Variants in MYMK observed in about 807,000 individuals in gnomAD.
The protein encoded by MYMK is myomaker, myoblast fusion factor.
Under a neutral mutation model 22.4 loss-of-function variants are expected in MYMK, and 16 were observed. That is an observed-to-expected ratio of 0.72 (90% confidence interval 0.48 to 1.09). The LOEUF (loss-of-function observed/expected upper bound fraction) is 1.09. MYMK is among the 50% of genes least tolerant of loss of function. The pLI is 0.00. For missense variants in MYMK, 250 were observed against 295.6 expected (o/e 0.85, Z 1.13); for synonymous variants, 125 against 127.0 (o/e 0.98, Z 0.11).
rs771833074 is a variant in MYMK, at chr9:133,520,208, G to A, written c.216C>T (p.Tyr72=). ...AGACCCACATGCTCAGGGCTGTCCC[G>A]TAGACACTGAAATACTCCAGGATGT... ...RHDILEYFSV[Y]GTALSMWVSL... is the part of the protein sequence containing the mutation. The change falls in exon 2 of 5, where the codon TAC becomes TAT. Residue 72 remains tyrosine (Y), a synonymous_variant. Transcript: ENST00000339996. The A allele has an allele frequency of 9.9e-6, 16 of 1,613,948 alleles. No individual in the cohort carries two copies. Among genetic ancestry groups the A allele is most frequent in the Admixed American group, 5.0e-5 (3 of 60,000 alleles).
At chr9:133,517,590 C>CG (rs1224280327) in intron 3 of MYMK, among the ~76,000 whole-genome samples, 1 of 151,030 alleles carries the variant, frequency 6.6e-6, no homozygotes, top group Admixed American at 6.6e-5. Flanking sequence ...CGCTTCAACC[C>CG]GGGAGGCGGA....
At chr9:133,521,786 T>C (rs1013790780) in intron 1 of MYMK, among the ~76,000 whole-genome samples, 1 of 152,202 alleles carries the variant, frequency 6.6e-6, no homozygotes, top group Non-Finnish European at 1.5e-5. Flanking sequence ...GCTGTTCTCC[T>C]GTTCTCCTGG....
At position 133,515,592 on chromosome 9, in the gene MYMK, C is replaced by T. The variant is rs1844622308; in HGVS notation, c.415G>A (p.Glu139Lys). The change falls in exon 4 of 5, where the codon GAG becomes AAG. Residue 139 changes from glutamate to lysine, a missense_variant. Physicochemically the swap from Glu to Lys is moderately conservative, Grantham distance 56. Coordinates refer to ENST00000339996, the MANE Select transcript of MYMK (RefSeq NM_001080483.3). This position sits in a 1 kb window ranked among gnomAD's most constrained non-coding sequence, Gnocchi z 5.8. The part of the protein sequence containing the change: ...IAAKWLQKMK[E>K]KKGLYPDKSV... Reference sequence around the variant, plus strand: ...TTGTCTGGGTACAGGCCCTTCTTCTCCTTCATCTTCTGTAGCTGTGAGGAC... The same window carrying T: ...TTGTCTGGGTACAGGCCCTTCTTCTTCTTCATCTTCTGTAGCTGTGAGGAC... 1 of 1,612,766 alleles carries T rather than the reference C, an allele frequency of 6.2e-7. No homozygotes were observed. Among genetic ancestry groups the T allele is most frequent in the African/African-American group, 1.3e-5 (1 of 74,912 alleles).
intron 3 of MYMK, among the ~76,000 whole-genome samples, chr9:133,516,048 G>T (rs1247671439): frequency 6.6e-6 from 1 of 152,220 alleles, no homozygotes; most frequent in Non-Finnish European, 1.5e-5. Flanking sequence ...CCTGAGCCAT[G>T]GACAAGCATC....
intron 3 of MYMK, among the ~76,000 whole-genome samples, chr9:133,517,662 G>A (rs530865670): frequency 1.9e-4 from 17 of 88,592 alleles, no homozygotes; most frequent in South Asian, 6.6e-4. Flanking sequence ...GCAAAACTCC[G>A]TCTCAAAAAA....
chr9:133,524,756 A>T lies in MYMK; in HGVS notation c.89T>A (p.Phe30Tyr). ...GAGGTAGACCATGGCCTCCATGTGG[A>T]ACCGCCTCTTGGCCGCGATGCTGAC... ...PTVSIAAKRR[F>Y]HMEAMVYLFT... The change falls in exon 1 of 5, where the codon TTC becomes TAC. Residue 30 changes from phenylalanine (F) to tyrosine (Y), a missense_variant. Physicochemically the swap from Phe to Tyr is conservative, Grantham distance 22. Coordinates refer to ENST00000339996, the MANE Select transcript of MYMK (RefSeq NM_001080483.3). The T allele has an allele frequency of 6.2e-7, 1 of 1,614,170 alleles. No homozygotes were observed. The highest frequency in any genetic ancestry group is 8.5e-7 in the Non-Finnish European group (1 of 1,180,028).
In MYMK at chr9:133,524,954, G is replaced by A. The variant is rs1461902911; in HGVS notation, c.-110C>T. 3.8e-6 allele frequency: 5 copies of A among 1,316,650 alleles called. No individual in the cohort carries two copies. In the East Asian group the frequency reaches 1.2e-4, roughly 31 times the overall value. 81.6% of individuals were successfully genotyped at this position (1,316,650 alleles called of 1,614,324 possible). On this transcript the variant is annotated 5_prime_UTR_variant, in exon 1 of 5. Transcript: ENST00000339996. Reference sequence around the variant, plus strand: ...GCTCCCTTTGGGCAGGGCTCTGATGGCAGCTGCGGGGAGCACCCACAAGAG... The same window carrying A: ...GCTCCCTTTGGGCAGGGCTCTGATGACAGCTGCGGGGAGCACCCACAAGAG...
intron 1 of MYMK, among the ~76,000 whole-genome samples, chr9:133,522,548 C>T (rs1055525292): frequency 1.3e-5 from 2 of 152,144 alleles, no homozygotes; most frequent in African/African-American, 4.8e-5. Flanking sequence ...GAGGCAGCTG[C>T]CCCTGCCACT....
chr9:133,516,292 T>C (rs900547778), intron 3 of MYMK, among the ~76,000 whole-genome samples: 1 of 152,198 alleles, frequency 6.6e-6, no homozygotes, highest in Non-Finnish European at 1.5e-5. Context: ...AGTTGTTTCC[T>C]GGAATGAGGG....
intron 1 of MYMK, among the ~76,000 whole-genome samples, chr9:133,520,765 T>TG (rs141207222): frequency 0.022 from 3,350 of 152,238 alleles, 143 homozygotes; most frequent in African/African-American, 0.076. Flanking sequence ...CTTTGCTCTT[T>TG]GGGGGCTCCT....
In MYMK at chr9:133,524,764, C is replaced by T. The variant is rs765073753; in HGVS notation, c.81G>A (p.Lys27=). 26 of 1,614,076 alleles carry T rather than the reference C, an allele frequency of 1.6e-5. No homozygotes were observed. The highest frequency in any genetic ancestry group is 2.0e-5 in the Non-Finnish European group (24 of 1,180,052). Residue 27 remains lysine (K), a synonymous_variant, in exon 1 of 5, where the codon AAG becomes AAA. Coordinates refer to ENST00000339996, the MANE Select transcript of MYMK (RefSeq NM_001080483.3). ...CCATGGCCTCCATGTGGAACCGCCT[C>T]TTGGCCGCGATGCTGACAGTGGGGA... The part of the protein sequence containing the change: ...AFLPTVSIAA[K]RRFHMEAMVY...
intron 3 of MYMK, among the ~76,000 whole-genome samples, chr9:133,517,197 A>G (rs1401590548): frequency 6.6e-6 from 1 of 152,162 alleles, no homozygotes; most frequent in Non-Finnish European, 1.5e-5. Flanking sequence ...GCGGGTGGCC[A>G]GGACCCAGGG....
intron 3 of MYMK, among the ~76,000 whole-genome samples, chr9:133,516,763 G>T (rs1039496684): frequency 6.6e-6 from 1 of 152,262 alleles, no homozygotes; most frequent in Non-Finnish European, 1.5e-5. Context: ...AGTAACACCA[G>T]GGAGAAGAGA....
Position 133,515,635 on chromosome 9 carries a change from C to A in MYMK, c.400-28G>T, listed in dbSNP as rs759784500. On this transcript the variant is annotated intron_variant, in intron 3 of 4. Coordinates refer to ENST00000339996, the MANE Select transcript of MYMK (RefSeq NM_001080483.3). The surrounding 1 kb of genome is among the most constrained non-coding windows in gnomAD (Gnocchi z 5.8). ...GTGAGGACAGGAGGCCACAGCAAAG[C>A]TTTTAGGTCACAGCACTGGGGAACG... 1.9e-5 allele frequency: 29 copies of A among 1,509,834 alleles called. No individual in the cohort carries two copies. The highest frequency in any genetic ancestry group is 4.1e-5 in the African/African-American group (3 of 72,804). 93.5% of individuals were successfully genotyped at this position (1,509,834 alleles called of 1,614,324 possible).
chr9:133,523,853 G>C (rs1844732740), intron 1 of MYMK, among the ~76,000 whole-genome samples: 1 of 151,702 alleles, frequency 6.6e-6, no homozygotes, highest in Non-Finnish European at 1.5e-5. Flanking sequence ...AATCAAAAGA[G>C]AACCAGACAG....
At chr9:133,524,582 G>C in intron 1 of MYMK, 128 bp downstream of exon 1, 3 of 1,398,696 alleles carry the variant, frequency 2.1e-6, no homozygotes, top group Non-Finnish European at 2.9e-6. Flanking sequence ...GACCCCACCT[G>C]GGCCTGCTGT....
intron 1 of MYMK, 76 bp downstream of exon 1, chr9:133,524,634 C>T (rs575403190): frequency 1.4e-5 from 23 of 1,604,264 alleles, no homozygotes; most frequent in African/African-American, 5.4e-5. Flanking sequence ...AATACAAGAA[C>T]GCTGTGGACA....
rs966604752 is a variant in MYMK, at chr9:133,515,022, C to G, written c.517-237G>C. ...CTTCCTTCTTCCCCATCCCCTCTCT[C>G]TGCTGTCCTTCTCTTCCTCCATCCT... On this transcript the variant is annotated intron_variant, in intron 4 of 4. Transcript: ENST00000339996. The surrounding 1 kb of genome is among the most constrained non-coding windows in gnomAD (Gnocchi z 5.8). Among the ~76,000 whole-genome samples, 3 of 152,164 alleles carry G rather than the reference C, an allele frequency of 2.0e-5. No individual in the cohort carries two copies. Among genetic ancestry groups the G allele is most frequent in the South Asian group, 2.1e-4 (1 of 4,830 alleles).
intron 1 of MYMK, among the ~76,000 whole-genome samples, chr9:133,520,517 C>G (rs1844690809): frequency 6.6e-6 from 1 of 152,204 alleles, no homozygotes; most frequent in Non-Finnish European, 1.5e-5. Context: ...TGTTTAGGGG[C>G]TGGGGTGTGC....
Sources: gnomAD v4.1 joint callset for allele counts (sites outside exome capture counted in the v4.1 genomes callset) on GRCh38, gnomAD v4.1.1 for gene constraint, Gnocchi (gnomAD v3.1) non-coding constraint, MANE v1.5 for transcripts, NCBI Gene and HGNC (gene_info 2026-07-23, HGNC 2026-07-21) for gene names.